Variants in GSE1 observed in about 807,000 individuals in gnomAD.
GSE1 encodes the protein genetic suppressor element 1.
Under a neutral mutation model 112.6 loss-of-function variants are expected in GSE1, and 32 were observed. That is an observed-to-expected ratio of 0.28 (90% CI 0.21 to 0.38). The LOEUF (loss-of-function observed/expected upper bound fraction) is 0.38. Among genes scored for constraint, GSE1 ranks in the 10% least tolerant of loss-of-function variants. The pLI is 1.00. For synonymous variants in GSE1, 1,115 were observed against 735.6 expected (o/e 1.52, Z -8.35); for missense variants, 2,348 against 1,699.2 (o/e 1.38, Z -6.71).
At chr16:85,309,305 T>C (rs2045765537) in intron 1 of GSE1, among the ~76,000 whole-genome samples, 1 of 152,086 alleles carries the variant, frequency 6.6e-6, no homozygotes, top group Admixed American at 6.6e-5. Context: ...GAGAACAGCC[T>C]GGACAACGTA....
At chr16:85,410,296 G>GT (rs1555582867) in intron 2 of GSE1, among the ~76,000 whole-genome samples, 1 of 16,216 alleles carries the variant, frequency 6.2e-5, no homozygotes, top group Non-Finnish European at 1.2e-4. Flanking sequence ...TGCACTCAGG[G>GT]CCCCCTGGAT....
intron 1 of GSE1, among the ~76,000 whole-genome samples, chr16:85,298,976 G>A (rs2966863): frequency 2.0e-5 from 3 of 152,172 alleles, no homozygotes; most frequent in Non-Finnish European, 4.4e-5. Flanking sequence ...GTAGGCACAC[G>A]GGCCAGCCTG....
At chr16:85,534,698 T>C (rs1479915444) in intron 2 of GSE1, among the ~76,000 whole-genome samples, 1 of 152,202 alleles carries the variant, frequency 6.6e-6, no homozygotes, top group Non-Finnish European at 1.5e-5. Flanking sequence ...GTGCAATGTC[T>C]GTTGGGGCCC....
In GSE1 at chr16:85,666,031, T is replaced by G; in HGVS notation, c.2814T>G (p.Ala938=). ...TGGAGAAGCCGGTTGGTGTTGCTGC[T>G]TCCTTGTCTGACATCCCAAAGGCCG... ...LDVEKPVGVA[A]SLSDIPKAAE... Residue 938 remains alanine (A), a synonymous_variant, in exon 13 of 16, where the codon GCT becomes GCG. Coordinates refer to ENST00000253458, the MANE Select transcript of GSE1 (RefSeq NM_014615.5). 1 of 1,613,702 alleles carries G rather than the reference T, an allele frequency of 6.2e-7. No homozygotes were observed. Among genetic ancestry groups the G allele is most frequent in the Non-Finnish European group, 8.5e-7 (1 of 1,180,014 alleles).
intron 2 of GSE1, among the ~76,000 whole-genome samples, chr16:85,370,420 G>C (rs2047270123): frequency 6.6e-6 from 1 of 152,156 alleles, no homozygotes; most frequent in South Asian, 2.1e-4. Flanking sequence ...CACTAAGATG[G>C]GCTCTCACAA....
intron 1 of GSE1, among the ~76,000 whole-genome samples, chr16:85,626,886 C>T (rs1397626980): frequency 6.6e-6 from 1 of 151,794 alleles, no homozygotes; most frequent in African/African-American, 2.4e-5. Context: ...CCTCCCCCCT[C>T]GTTTAAATCC....
chr16:85,642,952 C>T (rs978024599), intron 2 of GSE1, among the ~76,000 whole-genome samples: 5 of 152,190 alleles, frequency 3.3e-5, no homozygotes, highest in Admixed American at 2.0e-4. Flanking sequence ...GAGAGTGGTC[C>T]TGTGGCGTGG....
At chr16:85,449,468 C>G (rs1049175607) in intron 2 of GSE1, among the ~76,000 whole-genome samples, 1 of 152,268 alleles carries the variant, frequency 6.6e-6, no homozygotes, top group African/African-American at 2.4e-5. Context: ...GGTCGTGGCC[C>G]TGTCTGGCCA....
chr16:85,554,785 G>A (rs992208175), upstream of GSE1: 1 of 694,170 alleles, frequency 1.4e-6, no homozygotes, highest in Non-Finnish European at 1.8e-6. Context: ...TGGGGGGGGA[G>A]GGAGGGAGGA....
At chr16:85,345,071 C>T in intron 1 of GSE1, among the ~76,000 whole-genome samples, 1 of 140,528 alleles carries the variant, frequency 7.1e-6, no homozygotes. Flanking sequence ...TACACCGTGC[C>T]CCACCTCCCA....
intron 1 of GSE1, among the ~76,000 whole-genome samples, chr16:85,620,015 A>G (rs1181765599): frequency 6.6e-6 from 1 of 152,112 alleles, no homozygotes; most frequent in Non-Finnish European, 1.5e-5. Flanking sequence ...TGGGCTGCTT[A>G]TGGGGTGCGG....
At position 85,633,032 on chromosome 16, in the gene GSE1, G is replaced by C. The variant is rs116476047; in HGVS notation, c.8-882G>C. ...CTCTGGTGCCGCCGCCGCCGCCGCT[G>C]TCACCACTGGCCGGGAGGGCCAGGT... On this transcript the variant is annotated intron_variant, in intron 1 of 15. Coordinates refer to ENST00000253458, the MANE Select transcript of GSE1 (RefSeq NM_014615.5). Among the ~76,000 whole-genome samples the C allele has an allele frequency of 1.3e-3, 205 of 152,260 alleles. 1 individual carries two copies. Among genetic ancestry groups the C allele is most frequent in the African/African-American group, 4.7e-3 (197 of 41,528 alleles).
At chr16:85,203,913 A>T (rs1339199095) in intron 1 of GSE1, among the ~76,000 whole-genome samples, 1 of 151,860 alleles carries the variant, frequency 6.6e-6, no homozygotes, top group Admixed American at 6.6e-5. Flanking sequence ...GATTTTTATT[A>T]TTTCTTGTAG....
chr16:85,529,170 A>G (rs1485347741), intron 2 of GSE1, among the ~76,000 whole-genome samples: 1 of 151,464 alleles, frequency 6.6e-6, no homozygotes, highest in African/African-American at 2.4e-5. Context: ...CAGGTGGTTA[A>G]TCGTGTGTGG....
intron 2 of GSE1, among the ~76,000 whole-genome samples, chr16:85,364,283 C>G (rs1052283187): frequency 6.6e-6 from 1 of 152,340 alleles, no homozygotes. Context: ...CTCTCCTCTT[C>G]TCCTGCCCCC....
At chr16:85,215,204 G>A (rs951129986) in intron 1 of GSE1, among the ~76,000 whole-genome samples, 1 of 152,312 alleles carries the variant, frequency 6.6e-6, no homozygotes, top group African/African-American at 2.4e-5. Context: ...CCTGTGATTT[G>A]GGTCATTTAA....
chr16:85,375,592 G>A (rs2047401379), intron 2 of GSE1, among the ~76,000 whole-genome samples: 1 of 152,166 alleles, frequency 6.6e-6, no homozygotes, highest in African/African-American at 2.4e-5. Context: ...GTTTGCTGGT[G>A]TTCAAGCAGG....
intron 1 of GSE1, among the ~76,000 whole-genome samples, chr16:85,207,509 G>T (rs895046835): frequency 1.3e-5 from 2 of 152,248 alleles, no homozygotes; most frequent in African/African-American, 4.8e-5. Flanking sequence ...CCTGCTGGGG[G>T]TGACTGAGGG....
chr16:85,672,689 A>G lies in GSE1; in HGVS notation c.*150A>G. On this transcript the variant is annotated 3_prime_UTR_variant, in exon 16 of 16. Transcript: ENST00000253458. ...GCAAAGGATTCCAGGCTCCAGAAAA[A>G]ATGAATGAACTCACCTTGACGTCAA... 3.9e-6 allele frequency: 2 copies of G among 511,300 alleles called. No homozygotes were observed. Among genetic ancestry groups the G allele is most frequent in the Non-Finnish European group, 6.5e-6 (2 of 306,132 alleles). The allele number at this position is 511,300 out of a possible 1,614,324, so 31.7% of individuals were successfully genotyped here.
Sources: gnomAD v4.1 joint callset for allele counts (sites outside exome capture counted in the v4.1 genomes callset) on GRCh38, gnomAD v4.1.1 for gene constraint, MANE v1.5 for transcripts, NCBI Gene and HGNC (gene_info 2026-07-23, HGNC 2026-07-21) for gene names.